SH3GLB1: variants seen among roughly 807,000 people sequenced by gnomAD.
SH3GLB1 encodes endophilin-B1.
Under a neutral mutation model 42.0 loss-of-function variants are expected in SH3GLB1, and 17 were observed. The observed-to-expected ratio is 0.40, with a 90% CI of 0.28 to 0.61. The LOEUF is 0.61. Ranked by LOEUF, SH3GLB1 falls within the 20% of genes least tolerant of loss-of-function variation. The pLI, the probability that SH3GLB1 is intolerant of heterozygous loss-of-function variation, is 0.36. For synonymous variants in SH3GLB1, 132 were observed against 146.6 expected, an observed-to-expected ratio of 0.90 and a Z score of 0.72; for missense variants, 355 against 426.3, an observed-to-expected ratio of 0.83 and a Z score of 1.47.
Position 86,715,673 on chromosome 1 carries a change from C to T in SH3GLB1, c.73-51C>T, listed in dbSNP as rs749519324. The T allele has an allele frequency of 1.8e-5, 27 of 1,531,232 alleles. No homozygotes were observed. The South Asian group carries it at 3.2e-4, about 18-fold the overall frequency. The allele number at this position is 1,531,232 out of a possible 1,614,324, so 94.9% of individuals were successfully genotyped here. A position where few individuals can be genotyped will look rare whatever the true frequency, so the allele number is the denominator to read the frequency against. On this transcript the variant is annotated intron_variant, in intron 1 of 8. Transcript: ENST00000370558. ...TGCTTTTTACTTATTGATATGGTTC[C>T]CTAAAATTTATTTGCAGTATATTTA...
chr1:86,728,394 G>T (rs1320840384), intron 5 of SH3GLB1: 3 of 1,503,350 alleles, frequency 2.0e-6, no homozygotes, highest in Non-Finnish European at 1.8e-6. Context: ...CTCTTACTAT[G>T]CACTTAAGCA....
intron 1 of SH3GLB1, among the ~76,000 whole-genome samples, chr1:86,712,982 A>G (rs1023382223): frequency 6.6e-6 from 1 of 152,186 alleles, no homozygotes; most frequent in African/African-American, 2.4e-5. Context: ...ATAATTAAGC[A>G]AACAGGCCTT....
At chr1:86,724,892 A>T (rs185511593) in intron 5 of SH3GLB1, among the ~76,000 whole-genome samples, 17,916 of 96,254 alleles carry the variant, frequency 0.19, 2,134 homozygotes, top group East Asian at 0.38. Flanking sequence ...AAAAAAAAAA[A>T]ATATATATAT....
chr1:86,735,016 C>T (rs1180188164), intron 6 of SH3GLB1, 63 bp from the exon 7 acceptor site: 3 of 1,198,060 alleles, frequency 2.5e-6, no homozygotes, highest in Non-Finnish European at 3.7e-6. Context: ...GTCTGTCTCC[C>T]CCTTGCATTT....
intron 1 of SH3GLB1, among the ~76,000 whole-genome samples, chr1:86,710,003 A>G (rs1186696386): frequency 6.6e-6 from 1 of 152,236 alleles, no homozygotes; most frequent in Non-Finnish European, 1.5e-5. Context: ...ACACCGTGAC[A>G]ACTTCACCAT....
rs958837940 is a variant in SH3GLB1 at position 86,742,147 on chromosome 1, G to A, written c.762-61G>A. The A allele has an allele frequency of 3.3e-6, 4 of 1,229,414 alleles. No homozygotes were observed. The African/African-American group carries it at 6.0e-5, about 18-fold the overall frequency. 76.2% of individuals were successfully genotyped at this position (1,229,414 alleles called of 1,614,324 possible). On this transcript the variant is annotated intron_variant, in intron 7 of 8. Transcript: ENST00000370558. ...TAGAAAGTAAACAGCGCCACCGAGTGGTGGTATTAAGGAGCTTTAGTCACT... is the reference window on the plus strand; with the variant it reads ...TAGAAAGTAAACAGCGCCACCGAGTAGTGGTATTAAGGAGCTTTAGTCACT...
intron 4 of SH3GLB1, 147 bp from the exon 5 acceptor site, chr1:86,724,166 T>C (rs1655026657): frequency 6.2e-6 from 3 of 482,576 alleles, no homozygotes; most frequent in Non-Finnish European, 1.1e-5. Flanking sequence ...GGCAGATACA[T>C]GAATGGTAAC....
chr1:86,719,268 A>G (rs1446837605), intron 2 of SH3GLB1, among the ~76,000 whole-genome samples: 1 of 152,192 alleles, frequency 6.6e-6, no homozygotes, highest in Non-Finnish European at 1.5e-5. Context: ...ATACTCAAAT[A>G]ATAATTTTAT....
chr1:86,736,660 G>A (rs1655796034), intron 7 of SH3GLB1, among the ~76,000 whole-genome samples: 1 of 152,130 alleles, frequency 6.6e-6, no homozygotes, highest in African/African-American at 2.4e-5. Flanking sequence ...CTTAGGACTT[G>A]GCCATTTAAA....
intron 5 of SH3GLB1, among the ~76,000 whole-genome samples, chr1:86,727,195 T>A (rs1316797747): frequency 8.6e-5 from 13 of 151,950 alleles, no homozygotes; most frequent in Non-Finnish European, 1.9e-4. Flanking sequence ...TTTTGATGAT[T>A]TAGCCCTATC....
chr1:86,711,937 A>T (rs1477453300), intron 1 of SH3GLB1, among the ~76,000 whole-genome samples: 1 of 152,128 alleles, frequency 6.6e-6, no homozygotes, highest in African/African-American at 2.4e-5. Context: ...TTTAGTTGAG[A>T]TGACTCCTAG....
intron 3 of SH3GLB1, 97 bp downstream of exon 3, chr1:86,719,732 A>C: frequency 7.8e-7 from 1 of 1,276,994 alleles, no homozygotes; most frequent in South Asian, 1.5e-5. Flanking sequence ...GCAGTGGCTC[A>C]CACCTGTAAT....
intron 7 of SH3GLB1, among the ~76,000 whole-genome samples, chr1:86,739,764 G>T (rs1655967457): frequency 6.6e-6 from 1 of 152,084 alleles, no homozygotes; most frequent in African/African-American, 2.4e-5. Flanking sequence ...GGGAAGAATT[G>T]CTAGAGTGAT....
chr1:86,707,860 CTGGTCTTGAACTCCTGACCTCAGGA>C (rs778433995), intron 1 of SH3GLB1, among the ~76,000 whole-genome samples: 17 of 152,014 alleles, frequency 1.1e-4, no homozygotes, highest in Non-Finnish European at 2.2e-4. Context: ...GTTGGTCAGG[CTGGTCTTGAACTCCTGACCTCAGGA>C]TCCACCTGCT....
At chr1:86,732,440 G>T (rs995371867) in intron 5 of SH3GLB1, among the ~76,000 whole-genome samples, 4 of 152,130 alleles carry the variant, frequency 2.6e-5, no homozygotes, top group Non-Finnish European at 4.4e-5. Flanking sequence ...GAAGTAAATT[G>T]ATTATGCTAA....
chr1:86,721,022 G>T (rs1431977160), intron 3 of SH3GLB1, among the ~76,000 whole-genome samples: 1 of 152,144 alleles, frequency 6.6e-6, no homozygotes, highest in Non-Finnish European at 1.5e-5. Flanking sequence ...GATCATAAAG[G>T]TATGTGAAAG....
chr1:86,709,281 AT>A (rs1289909648), intron 1 of SH3GLB1, among the ~76,000 whole-genome samples: 1 of 152,194 alleles, frequency 6.6e-6, no homozygotes, highest in Admixed American at 6.5e-5. Flanking sequence ...CTTTTATATC[AT>A]TTTAGCCAGG....
intron 4 of SH3GLB1, 68 bp downstream of exon 4, chr1:86,722,741 T>C: frequency 7.3e-7 from 1 of 1,367,994 alleles, no homozygotes; most frequent in East Asian, 2.5e-5. Flanking sequence ...AATGAATAAT[T>C]TGGCCTCTTA....
chr1:86,704,943 C>A lies in SH3GLB1; in HGVS notation c.44C>A (p.Ala15Glu). 1 of 1,585,324 alleles carries A rather than the reference C, an allele frequency of 6.3e-7. No homozygotes were observed. Among genetic ancestry groups the A allele is most frequent in the Non-Finnish European group, 8.6e-7 (1 of 1,168,210 alleles). Residue 15 changes from alanine to glutamate, a missense_variant, in exon 1 of 9, where the codon GCA (alanine) becomes GAA (glutamate). Transcript: ENST00000370558. ...DFNVKKLAAD[A>E]GTFLSRAVQF... The stretch of plus-strand genomic sequence containing the variant: ...AACGTGAAGAAGCTGGCGGCCGACG[C>A]AGGCACCTTCCTCAGTCGCGCCGTG...
Sources: allele counts gnomAD v4.1 joint callset (sites outside exome capture counted in the v4.1 genomes callset), GRCh38; gene constraint gnomAD v4.1.1; transcripts MANE v1.5; gene names NCBI Gene and HGNC (gene_info 2026-07-23, HGNC 2026-07-21).